SYTL2: variants seen among roughly 807,000 people sequenced by gnomAD.
SYTL2 encodes the protein synaptotagmin-like protein 2.
In SYTL2, 165 loss-of-function variants were observed where a neutral mutation model predicts 198.7. The ratio of observed to expected loss-of-function variants is 0.83; its 90% CI spans 0.73 to 0.94. SYTL2 has a LOEUF of 0.94. Among genes scored for constraint, SYTL2 ranks in the 40% least tolerant of loss-of-function variants. SYTL2 has a pLI of 0.00. For missense variants in SYTL2, 2,835 were observed against 2,582.8 expected, an observed-to-expected ratio of 1.10 and a Z score of -2.12; for synonymous variants, 966 against 917.7, an observed-to-expected ratio of 1.05 and a Z score of -0.95.
Position 85,748,400 on chromosome 11 carries a change from T to C in SYTL2, c.125A>G (p.Asp42Gly). 6.2e-7 allele frequency: 1 copy of C among 1,613,986 alleles called. No individual in the cohort carries two copies. Among genetic ancestry groups the C allele is most frequent in the Non-Finnish European group, 8.5e-7 (1 of 1,179,912 alleles). The change falls in exon 3 of 20, where the codon GAT becomes GGT. Residue 42 changes from aspartate to glycine, a missense_variant. By Grantham distance (94) the Asp-to-Gly change is moderately conservative. Around this residue, in one of 3 missense-constraint regions of SYTL2, gnomAD observed 2,645 missense variants for 2,381.7 expected, o/e 1.11. Coordinates refer to ENST00000359152, the MANE Select transcript of SYTL2 (RefSeq NM_206927.4). ...ACTCATATTCTTCAGCTGCTGGTCA[T>C]CCTTAATTTTTTCAGGCAAATGTCT... ...RVRHLPEKIKDDQQLKNMSGQ... is the reference protein window; with the variant it reads ...RVRHLPEKIKGDQQLKNMSGQ...
the SYTL2 span, among the ~76,000 whole-genome samples, chr11:85,841,469 C>A: frequency 3.3e-4 from 50 of 152,320 alleles, no homozygotes; most frequent in African/African-American, 1.2e-3. Context: ...CACACATACA[C>A]CATGGAATAC....
Position 85,759,731 on chromosome 11 carries a change from T to C in SYTL2, c.-389-1617A>G, listed in dbSNP as rs149307101. Among the ~76,000 whole-genome samples, 422 of 151,666 alleles carry C rather than the reference T, an allele frequency of 2.8e-3. 2 individuals are homozygous for C. The highest frequency in any genetic ancestry group is 1.0e-2 in the African/African-American group (412 of 41,328). On this transcript the variant is annotated intron_variant, in intron 1 of 19. Coordinates refer to ENST00000359152, the MANE Select transcript of SYTL2 (RefSeq NM_206927.4). Reference sequence around the variant, plus strand: ...ATTTCCTCTAGCTCTCTGCATACTGTCCACAGTAATTACTCAAATAAATAT... The same window carrying C: ...ATTTCCTCTAGCTCTCTGCATACTGCCCACAGTAATTACTCAAATAAATAT...
chr11:85,711,274 A>G, intron 12 of SYTL2, 42 bp from the exon 13 acceptor site: 1 of 1,595,518 alleles, frequency 6.3e-7, no homozygotes, highest in East Asian at 2.2e-5. Context: ...TAAATTCAGA[A>G]TGAGTCAAGA....
chr11:85,755,240 G>A lies in SYTL2; in HGVS notation c.101+2385C>T, dbSNP rs544721365. ...CAAAGAGGGGGTCAGGCTATGAGTTGAGCCTTTTTCAGGGTCCACAAGCCA... is the reference window on the plus strand; with the variant it reads ...CAAAGAGGGGGTCAGGCTATGAGTTAAGCCTTTTTCAGGGTCCACAAGCCA... On this transcript the variant is annotated intron_variant, in intron 2 of 19. Transcript: ENST00000359152. Among the ~76,000 whole-genome samples, 3 of 152,192 alleles carry A rather than the reference G, an allele frequency of 2.0e-5. No individual in the cohort carries two copies. The East Asian group carries it at 5.8e-4, about 29-fold the overall frequency.
In SYTL2 at chr11:85,724,424, A is replaced by G. The variant is rs765471581; in HGVS notation, c.4934T>C (p.Val1645Ala). ...CDKMLGGDAL[V>A]TDLLVDFCGS... ...ACAAAAATCTACCAATAAATCAGTC[A>G]CAAGTGCGTCTCCTCCCAACATTTT... The change falls in exon 8 of 20, where the codon GTG becomes GCG. Residue 1645 changes from valine to alanine, a missense_variant. Physicochemically the swap from Val to Ala is moderately conservative, Grantham distance 64. Coordinates refer to ENST00000359152, the MANE Select transcript of SYTL2 (RefSeq NM_206927.4). The G allele has an allele frequency of 6.2e-7, 1 of 1,607,496 alleles. No individual in the cohort carries two copies. Among genetic ancestry groups the G allele is most frequent in the Non-Finnish European group, 8.5e-7 (1 of 1,177,508 alleles).
intron 2 of SYTL2, among the ~76,000 whole-genome samples, chr11:85,754,241 A>T (rs917928115): frequency 5.3e-5 from 8 of 152,158 alleles, no homozygotes; most frequent in Admixed American, 4.6e-4. Context: ...TTAGATAGTA[A>T]ATTCCTTGAG....
chr11:85,732,035 A>C (rs192282975), intron 7 of SYTL2, among the ~76,000 whole-genome samples: 1 of 152,358 alleles, frequency 6.6e-6, no homozygotes, highest in Non-Finnish European at 1.5e-5. Flanking sequence ...AATCAAAACC[A>C]CAATGAGATA....
chr11:85,805,091 T>G (rs974604989), intron 1 of SYTL2, among the ~76,000 whole-genome samples: 7 of 152,158 alleles, frequency 4.6e-5, no homozygotes, highest in African/African-American at 1.4e-4. Flanking sequence ...TGGAGGGAAT[T>G]ACATGCTATG....
At chr11:85,768,765 T>A (rs752238413) in intron 1 of SYTL2, among the ~76,000 whole-genome samples, 101 of 152,304 alleles carry the variant, frequency 6.6e-4, no homozygotes, top group Middle Eastern at 3.4e-3. Flanking sequence ...ATCTTCTAAA[T>A]TTGAGATGGG....
the SYTL2 span, among the ~76,000 whole-genome samples, chr11:85,816,915 CAAAAAAAA>C: frequency 1.2e-5 from 1 of 80,918 alleles, no homozygotes; most frequent in Non-Finnish European, 2.3e-5. Flanking sequence ...AACCCTGTCT[CAAAAAAAA>C]AAAAAAAAAA....
At chr11:85,801,877 C>T (rs901548410) in intron 1 of SYTL2, among the ~76,000 whole-genome samples, 5 of 150,762 alleles carry the variant, frequency 3.3e-5, no homozygotes, top group Admixed American at 6.6e-5. Context: ...TGCAATGGCG[C>T]GATCTCGGCT....
chr11:85,718,662 A>T, intron 10 of SYTL2, 128 bp downstream of exon 10: 1 of 736,658 alleles, frequency 1.4e-6, no homozygotes, highest in Non-Finnish European at 2.3e-6. Flanking sequence ...ATAGTAACTT[A>T]GGCACTATTC....
intron 1 of SYTL2, among the ~76,000 whole-genome samples, chr11:85,766,757 G>C (rs942149160): frequency 6.6e-6 from 1 of 152,196 alleles, no homozygotes; most frequent in African/African-American, 2.4e-5. Flanking sequence ...ACAAGCCCAA[G>C]AAGTCTCACA....
intron 1 of SYTL2, among the ~76,000 whole-genome samples, chr11:85,780,056 C>T (rs951097971): frequency 6.6e-5 from 10 of 152,202 alleles, no homozygotes; most frequent in Admixed American, 5.9e-4. Flanking sequence ...CGATAAAATG[C>T]TGTGACTCAC....
the SYTL2 span, among the ~76,000 whole-genome samples, chr11:85,851,905 T>C: frequency 6.6e-6 from 1 of 152,268 alleles, no homozygotes; most frequent in East Asian, 1.9e-4. Context: ...GATGTTATTT[T>C]AGGGAAAACC....
the SYTL2 span, among the ~76,000 whole-genome samples, chr11:85,844,878 G>A: frequency 3.9e-5 from 6 of 152,204 alleles, no homozygotes; most frequent in Non-Finnish European, 7.4e-5. Flanking sequence ...CAGAGGACCC[G>A]CCATGATTTG....
At chr11:85,700,708 G>A in intron 16 of SYTL2, 115 bp from the exon 17 acceptor site, 3 of 748,798 alleles carry the variant, frequency 4.0e-6, no homozygotes, top group Non-Finnish European at 7.0e-6. Context: ...TGTCACTCAT[G>A]AGTGCTCTGG....
At chr11:85,837,917 T>A in the SYTL2 span, among the ~76,000 whole-genome samples, 1 of 152,180 alleles carries the variant, frequency 6.6e-6, no homozygotes, top group East Asian at 1.9e-4. Context: ...GTTGGGGGCA[T>A]CCTGTACACT....
intron 1 of SYTL2, among the ~76,000 whole-genome samples, chr11:85,798,239 C>T (rs1241674123): frequency 1.3e-5 from 2 of 152,160 alleles, no homozygotes; most frequent in Non-Finnish European, 2.9e-5. Flanking sequence ...ATCATCACAG[C>T]TTCTGACACT....
Sources: gnomAD v4.1 joint callset for allele counts (sites outside exome capture counted in the v4.1 genomes callset) on GRCh38, gnomAD v4.1.1 for gene constraint, gnomAD v4.1.1 regional missense constraint, MANE v1.5 for transcripts, NCBI Gene and HGNC (gene_info 2026-07-23, HGNC 2026-07-21) for gene names.